The following SUSD4 variants were observed in gnomAD, a reference collection of about 807,000 sequenced individuals.
SUSD4 encodes sushi domain containing 4.
A neutral mutation model predicts 50.5 loss-of-function variants in SUSD4; 41 were observed. The observed-to-expected ratio is 0.81, with a 90% CI of 0.63 to 1.05. The LOEUF (loss-of-function observed/expected upper bound fraction) is 1.05, where lower values mean the gene tolerates loss of function less well. SUSD4 is among the 50% of genes least tolerant of loss of function. SUSD4 has a pLI of 0.00. For synonymous variants in SUSD4, 257 were observed against 257.3 expected, an observed-to-expected ratio of 1.00 and a Z score of 0.01; for missense variants, 580 against 634.7, an observed-to-expected ratio of 0.91 and a Z score of 0.93.
At chr1:223,351,975 A>C (rs1177343508) in intron 2 of SUSD4, among the ~76,000 whole-genome samples, 1 of 152,014 alleles carries the variant, frequency 6.6e-6, no homozygotes, top group Non-Finnish European at 1.5e-5. Context: ...GAAAACGCCA[A>C]GTATTAGAAG....
At chr1:223,330,072 A>G (rs1248901323) in intron 2 of SUSD4, among the ~76,000 whole-genome samples, 3 of 152,272 alleles carry the variant, frequency 2.0e-5, no homozygotes, top group Non-Finnish European at 4.4e-5. Context: ...AGGAGGGAAG[A>G]AGGGACATTC....
chr1:223,344,701 C>T (rs191343865), intron 2 of SUSD4, among the ~76,000 whole-genome samples: 7 of 152,274 alleles, frequency 4.6e-5, no homozygotes, highest in South Asian at 4.2e-4. Flanking sequence ...TTCCACACTC[C>T]GCAGCCCTCA....
chr1:223,276,057 G>A (rs1311218749), intron 3 of SUSD4, among the ~76,000 whole-genome samples: 1 of 152,236 alleles, frequency 6.6e-6, no homozygotes. Context: ...AGACTGGCAT[G>A]AGAGAAGATG....
intron 2 of SUSD4, among the ~76,000 whole-genome samples, chr1:223,307,763 AACCTCAGT>A (rs1665631498): frequency 1.3e-5 from 2 of 152,196 alleles, no homozygotes; most frequent in South Asian, 2.1e-4. Flanking sequence ...GTGACAGGTG[AACCTCAGT>A]ACATGCTTAG....
At chr1:223,345,775 T>C (rs952031014) in intron 2 of SUSD4, among the ~76,000 whole-genome samples, 24 of 152,360 alleles carry the variant, frequency 1.6e-4, no homozygotes, top group African/African-American at 4.8e-4. Context: ...TTGCAGTTAA[T>C]GACTCCATGC....
chr1:223,246,172 A>G (rs1420594509), intron 5 of SUSD4, among the ~76,000 whole-genome samples: 1 of 152,148 alleles, frequency 6.6e-6, no homozygotes, highest in Non-Finnish European at 1.5e-5. Flanking sequence ...CAGGGACGAA[A>G]AAGATGGCAG....
chr1:223,352,828 T>G (rs539408804), intron 2 of SUSD4, among the ~76,000 whole-genome samples: 1 of 152,216 alleles, frequency 6.6e-6, no homozygotes, highest in African/African-American at 2.4e-5. Context: ...CTGTCCTACC[T>G]GAGCCCATGG....
chr1:223,259,736 C>T (rs2103063058), intron 5 of SUSD4, among the ~76,000 whole-genome samples: 1 of 152,304 alleles, frequency 6.6e-6, no homozygotes, highest in East Asian at 1.9e-4. Context: ...GCAGTTAGTG[C>T]CTCTTCTTCC....
At chr1:223,247,526 C>G (rs1661022688) in intron 5 of SUSD4, among the ~76,000 whole-genome samples, 1 of 152,218 alleles carries the variant, frequency 6.6e-6, no homozygotes, top group Non-Finnish European at 1.5e-5. Context: ...AACCTTCTTA[C>G]AGCAGCGGTC....
intron 2 of SUSD4, among the ~76,000 whole-genome samples, chr1:223,359,631 C>T (rs1668858592): frequency 6.6e-6 from 1 of 152,220 alleles, no homozygotes; most frequent in African/African-American, 2.4e-5. Flanking sequence ...AGCTGAACAT[C>T]TACTGTGTGT....
chr1:223,304,822 A>ATGC (rs1231575457), intron 2 of SUSD4, among the ~76,000 whole-genome samples: 2 of 37,540 alleles, frequency 5.3e-5, no homozygotes, highest in Admixed American at 3.1e-4. Flanking sequence ...ATATATATAT[A>ATGC]TATATATATA....
intron 2 of SUSD4, among the ~76,000 whole-genome samples, chr1:223,300,812 C>A (rs1018790312): frequency 2.0e-5 from 3 of 152,176 alleles, no homozygotes; most frequent in Non-Finnish European, 4.4e-5. Context: ...CTCCATCCTG[C>A]AGTAGCACTA....
chr1:223,313,712 G>A (rs1455222582), intron 2 of SUSD4, among the ~76,000 whole-genome samples: 2 of 152,118 alleles, frequency 1.3e-5, no homozygotes, highest in Non-Finnish European at 2.9e-5. Flanking sequence ...GCTGATAAAA[G>A]AATGCTGTAA....
intron 3 of SUSD4, among the ~76,000 whole-genome samples, chr1:223,283,963 C>T (rs910798500): frequency 6.6e-6 from 1 of 152,200 alleles, no homozygotes; most frequent in East Asian, 1.9e-4. Flanking sequence ...CCATCATTCT[C>T]AGCAAACTAT....
chr1:223,225,681 C>G (rs1240528746), intron 7 of SUSD4, among the ~76,000 whole-genome samples: 1 of 152,210 alleles, frequency 6.6e-6, no homozygotes, highest in East Asian at 1.9e-4. Flanking sequence ...TGCCTCCTCA[C>G]CATCCCTGGC....
intron 3 of SUSD4, among the ~76,000 whole-genome samples, chr1:223,275,689 T>C (rs1466289936): frequency 6.6e-6 from 1 of 152,190 alleles, no homozygotes; most frequent in African/African-American, 2.4e-5. Context: ...CCTGGAAATG[T>C]GCCTTTTTTT....
At chr1:223,297,324 G>A (rs1031660244) in intron 2 of SUSD4, among the ~76,000 whole-genome samples, 2 of 152,198 alleles carry the variant, frequency 1.3e-5, no homozygotes, top group African/African-American at 4.8e-5. Flanking sequence ...AGGCCCAAGG[G>A]ATGGTTTTTA....
rs933899059 is a variant in SUSD4 at position 223,332,510 on chromosome 1, T to C, written c.148+30768A>G. On this transcript the variant is annotated intron_variant, in intron 2 of 8. Coordinates refer to ENST00000366878, the MANE Select transcript of SUSD4 (RefSeq NM_017982.4). This position sits in a 1 kb window ranked among gnomAD's most constrained non-coding sequence, Gnocchi z 4.0. Reference sequence around the variant, plus strand: ...GCTTTCCTAGTTCATTGCACAGAGATATATAAAGTTTCTTAGGATCTGTCC... The same window carrying C: ...GCTTTCCTAGTTCATTGCACAGAGACATATAAAGTTTCTTAGGATCTGTCC... Among the ~76,000 whole-genome samples, 1 of 152,190 alleles carries C rather than the reference T, an allele frequency of 6.6e-6. No individual in the cohort carries two copies. Among genetic ancestry groups the C allele is most frequent in the African/African-American group, 2.4e-5 (1 of 41,460 alleles).
At chr1:223,359,710 G>A (rs1572140942) in intron 2 of SUSD4, among the ~76,000 whole-genome samples, 1 of 152,196 alleles carries the variant, frequency 6.6e-6, no homozygotes, top group African/African-American at 2.4e-5. Context: ...CAGTGGGCTT[G>A]TGGTCTAGTA....
Sources: allele counts gnomAD v4.1 joint callset (sites outside exome capture counted in the v4.1 genomes callset), GRCh38; gene constraint gnomAD v4.1.1; non-coding constraint Gnocchi (gnomAD v3.1); transcripts MANE v1.5; gene names NCBI Gene and HGNC (gene_info 2026-07-23, HGNC 2026-07-21).